SLURP2: variants seen among roughly 807,000 people sequenced by gnomAD.
SLURP2 encodes the protein secreted Ly-6/uPAR domain-containing protein 2.
SLURP2 carries 4 observed loss-of-function variants against 9.8 expected under a neutral mutation model. The ratio of observed to expected loss-of-function variants is 0.41; its 90% CI spans 0.20 to 0.94. The LOEUF (loss-of-function observed/expected upper bound fraction) is 0.94, where lower values mean the gene tolerates loss of function less well. SLURP2 is among the 40% of genes least tolerant of loss of function. SLURP2 has a pLI of 0.32. For synonymous variants in SLURP2, 58 were observed against 56.2 expected (o/e 1.03, Z -0.15); for missense variants, 118 against 126.4 (o/e 0.93, Z 0.32).
intron 1 of SLURP2, among the ~76,000 whole-genome samples, chr8:142,766,578 C>T (rs1587604488): frequency 6.6e-6 from 1 of 152,176 alleles, no homozygotes; most frequent in Non-Finnish European, 1.5e-5. Flanking sequence ...TGTGGGTCTG[C>T]CCCACTCCCG....
rs13281134 is a variant in SLURP2 at position 142,768,136 on chromosome 8, T to C, written c.52+1619A>G. 1.4e-5 allele frequency among the ~76,000 whole-genome samples: 2 copies of C among 139,538 alleles called. No individual in the cohort carries two copies. Among genetic ancestry groups the C allele is most frequent in the Non-Finnish European group, 3.1e-5 (2 of 64,896 alleles). The allele number at this position is 139,538 out of a possible 152,430, so 91.5% of individuals were successfully genotyped here. ...CCTGACACACGGGAGGGAGGGGAGA[T>C]CAGGGGGAGAAGAGGAGAGAGGAAG... On this transcript the variant is annotated intron_variant, in intron 1 of 2. Transcript: ENST00000317543. This position sits in a 1 kb window ranked among gnomAD's most constrained non-coding sequence, Gnocchi z 4.8.
Sources: gnomAD v4.1 joint callset for allele counts (sites outside exome capture counted in the v4.1 genomes callset) on GRCh38, gnomAD v4.1.1 for gene constraint, Gnocchi (gnomAD v3.1) non-coding constraint, MANE v1.5 for transcripts, NCBI Gene and HGNC (gene_info 2026-07-23, HGNC 2026-07-21) for gene names.